The following SPIDR variants were observed in gnomAD, a reference collection of about 807,000 sequenced individuals.
SPIDR encodes scaffold protein involved in DNA repair.
SPIDR carries 93 observed loss-of-function variants against 104.6 expected under a neutral mutation model. The ratio of observed to expected loss-of-function variants is 0.89; its 90% CI spans 0.75 to 1.06. SPIDR has a LOEUF of 1.06. Ranked by LOEUF, SPIDR falls within the 50% of genes least tolerant of loss-of-function variation. SPIDR has a pLI of 0.00. For synonymous variants in SPIDR, 431 were observed against 416.9 expected (o/e 1.03, Z -0.41); for missense variants, 1,154 against 1,111.2 (o/e 1.04, Z -0.55).
intron 8 of SPIDR, among the ~76,000 whole-genome samples, chr8:47,451,512 C>A (rs929148339): frequency 8.6e-5 from 13 of 151,806 alleles, no homozygotes; most frequent in African/African-American, 2.9e-4. Flanking sequence ...ACCTGGGAGG[C>A]GCAGGTTGCA....
At chr8:47,440,573 C>T (rs1232168806) in intron 8 of SPIDR, 31 bp downstream of exon 8, 1 of 1,579,540 alleles carries the variant, frequency 6.3e-7, no homozygotes, top group Non-Finnish European at 8.6e-7. Flanking sequence ...CCAGCAGTCA[C>T]CAACTGTGAG....
chr8:47,437,800 A>C (rs1554693401), intron 7 of SPIDR, among the ~76,000 whole-genome samples: 1 of 152,078 alleles, frequency 6.6e-6, no homozygotes, highest in Non-Finnish European at 1.5e-5. Context: ...GGGACTGTAA[A>C]CTAGTTCAAC....
Position 47,618,132 on chromosome 8 carries a change from G to A in SPIDR, c.1544+18936G>A, listed in dbSNP as rs533462909. 1.1e-4 allele frequency among the ~76,000 whole-genome samples: 17 copies of A among 152,290 alleles called. No individual in the cohort carries two copies. The East Asian group carries it at 1.9e-3, about 17-fold the overall frequency. On this transcript the variant is annotated intron_variant, in intron 10 of 19. Transcript: ENST00000297423. ...GCAGAGTTAACACGCTTTTGTGTAC[G>A]TGGTTTGTGTTTGAATCAGAATTCC...
intron 11 of SPIDR, among the ~76,000 whole-genome samples, chr8:47,696,428 C>G (rs749368411): frequency 2.0e-5 from 3 of 152,030 alleles, no homozygotes; most frequent in Non-Finnish European, 4.4e-5. Context: ...TTTTTTCTCT[C>G]TCAAGGATCT....
chr8:47,615,264 T>TG (rs2064135889), intron 10 of SPIDR, among the ~76,000 whole-genome samples: 1 of 152,006 alleles, frequency 6.6e-6, no homozygotes, highest in Non-Finnish European at 1.5e-5. Context: ...TATTTTTTCT[T>TG]TTGTTGCTTG....
intron 1 of SPIDR, among the ~76,000 whole-genome samples, chr8:47,272,117 G>C (rs988655462): frequency 6.6e-6 from 1 of 152,050 alleles, no homozygotes; most frequent in Non-Finnish European, 1.5e-5. Flanking sequence ...ACAGGTGCGC[G>C]CCACCACACC....
intron 10 of SPIDR, among the ~76,000 whole-genome samples, chr8:47,625,031 T>C (rs189335586): frequency 0.018 from 2,756 of 152,252 alleles, 82 homozygotes; most frequent in African/African-American, 0.064. Context: ...TCAAAAAGCT[T>C]ATCCACCATG....
intron 10 of SPIDR, among the ~76,000 whole-genome samples, chr8:47,665,770 T>C (rs867880709): frequency 6.6e-6 from 1 of 152,198 alleles, no homozygotes; most frequent in African/African-American, 2.4e-5. Context: ...GTGTAAAATA[T>C]CATATTATCA....
intron 7 of SPIDR, among the ~76,000 whole-genome samples, chr8:47,418,653 T>C (rs1296847036): frequency 1.3e-5 from 2 of 152,190 alleles, no homozygotes; most frequent in Non-Finnish European, 2.9e-5. Context: ...CTTCCAACAC[T>C]ATGTTGAATA....
At chr8:47,576,109 CA>C (rs1242195189) in intron 8 of SPIDR, among the ~76,000 whole-genome samples, 3 of 150,636 alleles carry the variant, frequency 2.0e-5, no homozygotes, top group Non-Finnish European at 3.0e-5. Flanking sequence ...GAATAATAAA[CA>C]TTTTTTTGAC....
chr8:47,544,018 G>A (rs1418039852), intron 8 of SPIDR, among the ~76,000 whole-genome samples: 1 of 151,974 alleles, frequency 6.6e-6, no homozygotes, highest in African/African-American at 2.4e-5. Context: ...ATACTGAGGC[G>A]TAACCAACCT....
At chr8:47,338,799 T>C (rs1554611596) in intron 5 of SPIDR, among the ~76,000 whole-genome samples, 3 of 152,194 alleles carry the variant, frequency 2.0e-5, no homozygotes, top group Admixed American at 1.3e-4. Context: ...CAAAAAATTA[T>C]TTGCCCAGGG....
chr8:47,518,985 T>C (rs759696259), intron 8 of SPIDR, among the ~76,000 whole-genome samples: 5 of 152,136 alleles, frequency 3.3e-5, no homozygotes, highest in Non-Finnish European at 7.3e-5. Context: ...TGAAGAAATG[T>C]GAATAATTGG....
chr8:47,560,190 C>A (rs922113537), intron 8 of SPIDR, among the ~76,000 whole-genome samples: 1 of 152,200 alleles, frequency 6.6e-6, no homozygotes, highest in African/African-American at 2.4e-5. Context: ...ATTTGCCCAG[C>A]TCTTCTGATA....
intron 3 of SPIDR, among the ~76,000 whole-genome samples, chr8:47,284,743 T>C (rs1177687146): frequency 6.6e-6 from 1 of 152,182 alleles, no homozygotes; most frequent in African/African-American, 2.4e-5. Context: ...GCCTTTCCTT[T>C]GGGAAGGAAT....
At chr8:47,526,940 G>A (rs1027447111) in intron 8 of SPIDR, among the ~76,000 whole-genome samples, 1 of 152,154 alleles carries the variant, frequency 6.6e-6, no homozygotes, top group Non-Finnish European at 1.5e-5. Flanking sequence ...ACCTGAAGGG[G>A]ACGTATCCAG....
chr8:47,270,385 TTA>T (rs1398262067), intron 1 of SPIDR, among the ~76,000 whole-genome samples: 4 of 152,166 alleles, frequency 2.6e-5, no homozygotes, highest in Non-Finnish European at 4.4e-5. Flanking sequence ...TTTGTTCATT[TTA>T]TTTTAGTTAT....
At chr8:47,487,490 C>G (rs530516736) in intron 8 of SPIDR, among the ~76,000 whole-genome samples, 18 of 152,188 alleles carry the variant, frequency 1.2e-4, no homozygotes, top group Non-Finnish European at 2.4e-4. Context: ...GAACTCAGCT[C>G]TGCACCTAGA....
chr8:47,481,769 A>G lies in SPIDR; in HGVS notation c.1097+41227A>G, dbSNP rs1003907119. On this transcript the variant is annotated intron_variant, in intron 8 of 19. Transcript: ENST00000297423. ...ATATGATTGACAAGGTTGACTCTAC[A>G]TAATTGAGTTTTAAAAAAGACTAGA... is the stretch of plus-strand genomic sequence containing the variant. Among the ~76,000 whole-genome samples, 3 of 152,352 alleles carry G rather than the reference A, an allele frequency of 2.0e-5. No individual in the cohort carries two copies. In the South Asian group the frequency reaches 6.2e-4, roughly 32 times the overall value.
Sources: allele counts gnomAD v4.1 joint callset (sites outside exome capture counted in the v4.1 genomes callset), GRCh38; gene constraint gnomAD v4.1.1; transcripts MANE v1.5; gene names NCBI Gene and HGNC (gene_info 2026-07-23, HGNC 2026-07-21).